The following CCDC180 variants were observed in gnomAD, a reference collection of about 807,000 sequenced individuals.
CCDC180 encodes the protein coiled-coil domain-containing protein 180.
CCDC180 carries 154 observed loss-of-function variants against 209.2 expected under a neutral mutation model. The observed-to-expected ratio is 0.74, with a 90% CI of 0.65 to 0.84. The LOEUF (loss-of-function observed/expected upper bound fraction) is 0.84, where lower values mean the gene tolerates loss of function less well. CCDC180 is among the 40% of genes least tolerant of loss of function. The pLI is 0.00. For synonymous variants in CCDC180, 778 were observed against 749.1 expected (o/e 1.04, Z -0.63); for missense variants, 1,874 against 1,997.3 (o/e 0.94, Z 1.18).
chr9:97,343,318 T>G, intron 18 of CCDC180, 22 bp from the exon 19 acceptor site: 1 of 1,488,046 alleles, frequency 6.7e-7, no homozygotes, highest in Non-Finnish European at 9.4e-7. Context: ...TCAAGTCAAC[T>G]TTAGTGTTAT....
chr9:97,352,646 C>A (rs1024736971), intron 22 of CCDC180, among the ~76,000 whole-genome samples: 15 of 152,246 alleles, frequency 9.9e-5, no homozygotes, highest in Admixed American at 2.6e-4. Flanking sequence ...TCAGTATCTG[C>A]AAAGCTTGCA....
intron 18 of CCDC180, among the ~76,000 whole-genome samples, chr9:97,343,043 A>G (rs1826133799): frequency 6.6e-6 from 1 of 152,184 alleles, no homozygotes; most frequent in African/African-American, 2.4e-5. Context: ...AATAATGACA[A>G]ATGATGAAGA....
intron 21 of CCDC180, among the ~76,000 whole-genome samples, 157 bp downstream of exon 21, chr9:97,349,448 C>T (rs1826362956): frequency 6.6e-6 from 1 of 152,206 alleles, no homozygotes; most frequent in Admixed American, 6.5e-5. Context: ...TCAAGTCAAA[C>T]TCTGTGTGGA....
Position 97,326,606 on chromosome 9 carries a change from A to G in CCDC180, c.1598A>G (p.Asp533Gly). ...TTGGACCAACTGAGGCAGCAAAGTG[A>G]CAAAGAAACACTGGCGTTTCACCTG... Reference protein sequence around the residue: ...RLLDQLRQQSDKETLAFHLEK... With the variant: ...RLLDQLRQQSGKETLAFHLEK... Residue 533 changes from aspartate (D) to glycine (G), a missense_variant, in exon 15 of 37, where the codon GAC (aspartate) becomes GGC (glycine). By Grantham distance (94) the Asp-to-Gly change is moderately conservative. Coordinates refer to ENST00000529487, the MANE Select transcript of CCDC180 (RefSeq NM_020893.6). 6.2e-7 allele frequency: 1 copy of G among 1,614,084 alleles called. No individual in the cohort carries two copies. The highest frequency in any genetic ancestry group is 8.5e-7 in the Non-Finnish European group (1 of 1,179,930).
chr9:97,348,714 A>G (rs373434361), intron 20 of CCDC180, among the ~76,000 whole-genome samples: 29 of 152,268 alleles, frequency 1.9e-4, no homozygotes, highest in Middle Eastern at 6.8e-3. Context: ...CACTGGACAT[A>G]AGTATCCGCT....
At chr9:97,327,786 A>G (rs1462026456) in intron 15 of CCDC180, among the ~76,000 whole-genome samples, 1 of 152,210 alleles carries the variant, frequency 6.6e-6, no homozygotes, top group African/African-American at 2.4e-5. Flanking sequence ...GGACAGGGAA[A>G]GGGAGCTCAT....
At chr9:97,349,552 A>T (rs1219080553) in intron 21 of CCDC180, among the ~76,000 whole-genome samples, 6 of 152,222 alleles carry the variant, frequency 3.9e-5, no homozygotes. Flanking sequence ...ATGAAATATC[A>T]GTGGTGGGGA....
Position 97,349,147 on chromosome 9 carries a change from A to G in CCDC180, c.2711A>G (p.His904Arg), listed in dbSNP as rs901607326. The part of the protein sequence containing the change: ...LLLHQEQLDS[H>R]CAGVTETLKK... ...CTTCATCAAGAGCAGTTGGACAGCC[A>G]CTGTGCTGGGGTGACCGAGACGCTG... Residue 904 changes from histidine (H) to arginine (R), a missense_variant, in exon 21 of 37, where the codon CAC becomes CGC. Coordinates refer to ENST00000529487, the MANE Select transcript of CCDC180 (RefSeq NM_020893.6). 39 of 1,535,970 alleles carry G rather than the reference A, an allele frequency of 2.5e-5. No homozygotes were observed. The African/African-American group carries it at 4.8e-4, about 19-fold the overall frequency.
chr9:97,359,873 C>T (rs1826700184), intron 25 of CCDC180, 109 bp from the exon 26 acceptor site: 1 of 1,421,128 alleles, frequency 7.0e-7, no homozygotes, highest in African/African-American at 1.4e-5. Context: ...TCCATTAAGC[C>T]AAGAGGTATC....
At chr9:97,358,204 C>A (rs538097532) in intron 25 of CCDC180, among the ~76,000 whole-genome samples, 5 of 151,046 alleles carry the variant, frequency 3.3e-5, no homozygotes, top group Non-Finnish European at 7.4e-5. Context: ...TCACTGCAAC[C>A]TCTGCCTCCG....
At chr9:97,355,838 G>A (rs1466027589) in intron 24 of CCDC180, among the ~76,000 whole-genome samples, 2 of 152,194 alleles carry the variant, frequency 1.3e-5, no homozygotes, top group East Asian at 1.9e-4. Flanking sequence ...CCAGGTAGGC[G>A]GTGGGGAGTG....
chr9:97,309,122 A>G (rs1368407512), intron 2 of CCDC180, among the ~76,000 whole-genome samples: 1 of 152,216 alleles, frequency 6.6e-6, no homozygotes, highest in African/African-American at 2.4e-5. Context: ...AATCCCTATT[A>G]TTAGTCAGTT....
chr9:97,313,692 T>C (rs898108633), intron 5 of CCDC180, among the ~76,000 whole-genome samples: 1 of 152,150 alleles, frequency 6.6e-6, no homozygotes, highest in African/African-American at 2.4e-5. Flanking sequence ...GCTCAGTCCT[T>C]CTGATGAAGG....
chr9:97,343,225 C>G, intron 18 of CCDC180, 115 bp from the exon 19 acceptor site: 1 of 627,698 alleles, frequency 1.6e-6, no homozygotes, highest in Non-Finnish European at 2.8e-6. Flanking sequence ...AAGATTCGGC[C>G]CATAATCTTG....
chr9:97,374,247 A>C (rs1340752980), intron 34 of CCDC180: 3 of 364,850 alleles, frequency 8.2e-6, no homozygotes, highest in African/African-American at 6.2e-5. Context: ...TATGAACCAT[A>C]TCCGGGGACT....
chr9:97,310,716 A>G (rs1223430291), intron 3 of CCDC180, among the ~76,000 whole-genome samples: 2 of 152,116 alleles, frequency 1.3e-5, no homozygotes, highest in Non-Finnish European at 2.9e-5. Flanking sequence ...CTTGCTGAGT[A>G]TAGTTCTCTG....
chr9:97,350,859 A>G (rs549500964), intron 22 of CCDC180, among the ~76,000 whole-genome samples: 34 of 152,278 alleles, frequency 2.2e-4, no homozygotes, highest in African/African-American at 8.2e-4. Flanking sequence ...TTCAGTTTCC[A>G]TGAATTTGAA....
At chr9:97,354,801 CA>C in intron 23 of CCDC180, 88 bp downstream of exon 23, 1 of 1,577,660 alleles carries the variant, frequency 6.3e-7, no homozygotes, top group Non-Finnish European at 8.7e-7. Flanking sequence ...GCCCTCCATC[CA>C]ACCATTCACT....
Position 97,362,218 on chromosome 9 carries a change from A to T in CCDC180, c.3679A>T (p.Thr1227Ser), listed in dbSNP as rs956472314. The change falls in exon 28 of 37, where the codon ACC becomes TCC. Residue 1227 changes from threonine to serine, a missense_variant. Transcript: ENST00000529487. Reference protein sequence around the residue: ...LLQLPNTKWPTHHCDKDPSQT... With the variant: ...LLQLPNTKWPSHHCDKDPSQT... ...CAGACTTCCCAACACAAAATGGCCA[A>T]CCCACCATTGTGACAAAGATCCGTC... The T allele has an allele frequency of 3.8e-5, 61 of 1,612,914 alleles. No homozygotes were observed. The highest frequency in any genetic ancestry group is 5.1e-5 in the Non-Finnish European group (60 of 1,179,380).
Sources: gnomAD v4.1 joint callset for allele counts (sites outside exome capture counted in the v4.1 genomes callset) on GRCh38, gnomAD v4.1.1 for gene constraint, MANE v1.5 for transcripts, NCBI Gene and HGNC (gene_info 2026-07-23, HGNC 2026-07-21) for gene names.